Variants in DAW1 observed in about 807,000 individuals in gnomAD.
DAW1 encodes dynein assembly factor with WD repeats 1, also known as dynein assembly factor with WD repeat domains 1.
DAW1 carries 47 observed loss-of-function variants against 56.5 expected under a neutral mutation model. The observed-to-expected ratio is 0.83, with a 90% CI of 0.66 to 1.06. DAW1 has a LOEUF of 1.06. DAW1 is among the 50% of genes least tolerant of loss of function. The pLI is 0.00. For missense variants in DAW1, 505 were observed against 499.3 expected (o/e 1.01, Z -0.11); for synonymous variants, 190 against 179.0 (o/e 1.06, Z -0.49).
At chr2:227,877,862 T>C (rs1329121985) in intron 1 of DAW1, among the ~76,000 whole-genome samples, 1 of 152,256 alleles carries the variant, frequency 6.6e-6, no homozygotes, top group Non-Finnish European at 1.5e-5. Context: ...AGACTGGTAC[T>C]GGTCCAGGGC....
At chr2:227,880,413 G>T in intron 1 of DAW1, among the ~76,000 whole-genome samples, 1 of 148,136 alleles carries the variant, frequency 6.8e-6, no homozygotes, top group Admixed American at 6.7e-5. Context: ...AGGGAAATAA[G>T]TACTGGTTGG....
rs1160580239 is a variant in DAW1, at chr2:227,904,941, G to A, written c.661G>A (p.Glu221Lys). ...GCTCTTTTTCTAGGGACATTCTGCC[G>A]AAATCATCTCCTTGTCATTTAACAC... ...EVYTLRGHSA[E>K]IISLSFNTSG... is the part of the protein sequence containing the mutation. Residue 221 changes from glutamate (E) to lysine (K), a missense_variant, in exon 8 of 13, where the codon GAA becomes AAA. Coordinates refer to ENST00000309931, the MANE Select transcript of DAW1 (RefSeq NM_178821.3). The A allele has an allele frequency of 5.0e-6, 8 of 1,612,542 alleles. No individual in the cohort carries two copies. The highest frequency in any genetic ancestry group is 1.3e-5 in the African/African-American group (1 of 74,856).
intron 1 of DAW1, among the ~76,000 whole-genome samples, chr2:227,873,538 C>A (rs775618590): frequency 2.0e-5 from 3 of 152,084 alleles, no homozygotes; most frequent in Non-Finnish European, 4.4e-5. Context: ...CTTCTGCCTC[C>A]CTGGAAGACC....
rs769181162 is a variant in DAW1, at chr2:227,904,909, A to G, written c.649-20A>G. 1.3e-6 allele frequency: 2 copies of G among 1,598,480 alleles called. No homozygotes were observed. The highest frequency in any genetic ancestry group is 1.7e-6 in the Non-Finnish European group (2 of 1,167,506). On this transcript the variant is annotated intron_variant, in intron 7 of 12. Coordinates refer to ENST00000309931, the MANE Select transcript of DAW1 (RefSeq NM_178821.3). ...TGTTTTATCTGCAGGTATACTTGAC[A>G]GTATCTGCTCTTTTTCTAGGGACAT...
At chr2:227,883,176 G>A (rs1025590363) in intron 1 of DAW1, among the ~76,000 whole-genome samples, 2 of 152,118 alleles carry the variant, frequency 1.3e-5, no homozygotes, top group Admixed American at 1.3e-4. Context: ...CAACTTTCAA[G>A]CAAAAATACC....
At chr2:227,879,315 T>C (rs1690955973) in intron 1 of DAW1, among the ~76,000 whole-genome samples, 3 of 152,198 alleles carry the variant, frequency 2.0e-5, no homozygotes, top group African/African-American at 7.2e-5. Flanking sequence ...TTATTTTTTC[T>C]TAATAATGAA....
chr2:227,921,691 G>A, intron 12 of DAW1, 130 bp downstream of exon 12: 1 of 948,032 alleles, frequency 1.1e-6, no homozygotes. Flanking sequence ...ATCTTGGCCT[G>A]CCCTCATATT....
chr2:227,907,101 G>GT, intron 9 of DAW1, 37 bp from the exon 10 acceptor site: 1 of 1,440,692 alleles, frequency 6.9e-7, no homozygotes, highest in South Asian at 1.2e-5. Context: ...GAAAGTCATA[G>GT]TCTTTTTTTT....
chr2:227,898,901 T>A (rs1472405417), intron 6 of DAW1, among the ~76,000 whole-genome samples: 1 of 152,182 alleles, frequency 6.6e-6, no homozygotes, highest in Non-Finnish European at 1.5e-5. Flanking sequence ...ACTGACTCAA[T>A]GAGGGTCAAT....
chr2:227,884,238 A>G (rs1345229621), intron 1 of DAW1, among the ~76,000 whole-genome samples: 1 of 151,816 alleles, frequency 6.6e-6, no homozygotes, highest in Non-Finnish European at 1.5e-5. Context: ...CCATTTTTTC[A>G]TTTGTTTCAA....
chr2:227,921,310 T>A, intron 11 of DAW1, 89 bp from the exon 12 acceptor site: 1 of 281,616 alleles, frequency 3.6e-6, no homozygotes, highest in Admixed American at 6.3e-5. Flanking sequence ...ATGTCCTTTT[T>A]TTTTTTTTTT....
chr2:227,912,420 A>C, intron 10 of DAW1: 1 of 1,304,792 alleles, frequency 7.7e-7, no homozygotes, highest in Non-Finnish European at 1.0e-6. Flanking sequence ...CTCTTTGATC[A>C]CTGGACGTGA....
chr2:227,881,854 G>A (rs1170228539), intron 1 of DAW1, among the ~76,000 whole-genome samples: 1 of 143,692 alleles, frequency 7.0e-6, no homozygotes, highest in Admixed American at 7.4e-5. Context: ...CTGGGTTCAA[G>A]CGATTCTCCT....
intron 7 of DAW1, 70 bp downstream of exon 7, chr2:227,903,179 C>G (rs112177496): frequency 1.6e-5 from 24 of 1,515,112 alleles, no homozygotes; most frequent in Admixed American, 8.7e-5. Flanking sequence ...ACAAAATGAG[C>G]TCTAAGTTGG....
chr2:227,890,940 T>C (rs1186515661), intron 3 of DAW1, among the ~76,000 whole-genome samples: 3 of 152,230 alleles, frequency 2.0e-5, no homozygotes, highest in Non-Finnish European at 4.4e-5. Flanking sequence ...AAGGAAGACA[T>C]ATTCTGACAC....
intron 1 of DAW1, among the ~76,000 whole-genome samples, chr2:227,875,067 G>A (rs28649069): frequency 0.19 from 28,770 of 152,104 alleles, 2,968 homozygotes; most frequent in Middle Eastern, 0.29. Context: ...AATGTCCACC[G>A]TACATCTCAT....
intron 5 of DAW1, among the ~76,000 whole-genome samples, chr2:227,897,961 A>G (rs1335376918): frequency 2.0e-5 from 3 of 152,026 alleles, no homozygotes; most frequent in African/African-American, 4.8e-5. Context: ...CCAAACAAAT[A>G]TACCTATAAC....
intron 1 of DAW1, among the ~76,000 whole-genome samples, chr2:227,877,002 C>T (rs1216939860): frequency 2.6e-5 from 4 of 152,136 alleles, no homozygotes; most frequent in Non-Finnish European, 5.9e-5. Flanking sequence ...ATACTAATAT[C>T]ATTTGAAGCA....
At chr2:227,880,994 T>C (rs1035024773) in intron 1 of DAW1, among the ~76,000 whole-genome samples, 1 of 152,176 alleles carries the variant, frequency 6.6e-6, no homozygotes, top group Non-Finnish European at 1.5e-5. Context: ...AGTTTAAAGA[T>C]GCTTAGTGTT....
Sources: gnomAD v4.1 joint callset for allele counts (sites outside exome capture counted in the v4.1 genomes callset) on GRCh38, gnomAD v4.1.1 for gene constraint, MANE v1.5 for transcripts, NCBI Gene and HGNC (gene_info 2026-07-23, HGNC 2026-07-21) for gene names.